GRTP1: variants seen among roughly 807,000 people sequenced by gnomAD.
GRTP1 encodes the protein growth hormone-regulated TBC protein 1.
In GRTP1, 56 loss-of-function variants were observed where a neutral mutation model predicts 38.1. The ratio of observed to expected loss-of-function variants is 1.47; its 90% CI spans 1.19 to 1.84. The LOEUF is 1.84. Among genes scored for constraint, GRTP1 ranks in the 40% most tolerant of loss-of-function variants. The probability of loss-of-function intolerance (pLI) is 0.00; values close to 1 mark genes in which losing one functional copy is unlikely to be tolerated. For missense variants in GRTP1, 506 were observed against 453.9 expected, an observed-to-expected ratio of 1.11 and a Z score of -1.04; for synonymous variants, 217 against 189.5, an observed-to-expected ratio of 1.14 and a Z score of -1.19.
intron 5 of GRTP1, 114 bp downstream of exon 5, chr13:113,344,749 C>T: frequency 1.8e-6 from 1 of 554,890 alleles, no homozygotes; most frequent in East Asian, 4.4e-5. Context: ...TTTGTAACCT[C>T]ATCTCCCAAA....
Position 113,324,359 on chromosome 13 carries a change from C to CACA in GRTP1, c.*126_*128dup. ...TTTTAAACTGCTCTTTTAAAAAATT[C>CACA]ACAACTAAAGTGTAGTGATGTCAAG... On this transcript the variant is annotated 3_prime_UTR_variant, in exon 8 of 8. Transcript: ENST00000375431. 7.7e-7 allele frequency: 1 copy of CACA among 1,299,866 alleles called. No individual in the cohort carries two copies. The highest frequency in any genetic ancestry group is 9.9e-7 in the Non-Finnish European group (1 of 1,012,612). 80.5% of individuals were successfully genotyped at this position (1,299,866 alleles called of 1,614,324 possible).
chr13:113,356,770 A>G (rs2139525847), intron 2 of GRTP1, among the ~76,000 whole-genome samples: 1 of 152,266 alleles, frequency 6.6e-6, no homozygotes, highest in Non-Finnish European at 1.5e-5. Flanking sequence ...ATGAGCTCAA[A>G]TTCCAAGGTG....
chr13:113,355,319 T>C lies in GRTP1; in HGVS notation c.340+4A>G, dbSNP rs760050171. The C allele has an allele frequency of 3.1e-6, 5 of 1,613,480 alleles. No homozygotes were observed. Among genetic ancestry groups the C allele is most frequent in the East Asian group, 2.2e-5 (1 of 44,864 alleles). ...GCACCAGAGCTCGACCCCCACCGCC[T>C]CACCTGTCCTGATGGCGTCCTCCAG... On this transcript the variant is annotated splice_donor_region_variant and intron_variant, in intron 3 of 7. Coordinates refer to ENST00000375431, the MANE Select transcript of GRTP1 (RefSeq NM_024719.4).
intron 5 of GRTP1, among the ~76,000 whole-genome samples, chr13:113,331,788 T>TA (rs1292558647): frequency 2.0e-5 from 3 of 150,772 alleles, no homozygotes. Flanking sequence ...CCTGAGTAGC[T>TA]GGGATCACAG....
chr13:113,330,076 G>T (rs1199778296), intron 5 of GRTP1, among the ~76,000 whole-genome samples: 1 of 151,502 alleles, frequency 6.6e-6, no homozygotes, highest in African/African-American at 2.4e-5. Flanking sequence ...TGGAAACCCG[G>T]GTGCGTGCAT....
intron 5 of GRTP1, among the ~76,000 whole-genome samples, chr13:113,335,236 C>T (rs763325634): frequency 1.3e-5 from 2 of 152,004 alleles, no homozygotes; most frequent in African/African-American, 2.4e-5. Flanking sequence ...TATTTTGATA[C>T]AGGCATTCAA....
chr13:113,332,364 C>T (rs1378716798), intron 5 of GRTP1, among the ~76,000 whole-genome samples: 8 of 140,040 alleles, frequency 5.7e-5, no homozygotes, highest in African/African-American at 2.4e-4. Context: ...TACACACGTG[C>T]ACACGCACAC....
At position 113,325,810 on chromosome 13, in the gene GRTP1, C is replaced by A. The variant is rs778743717; in HGVS notation, c.772G>T (p.Gly258Cys). The A allele has an allele frequency of 1.3e-5, 21 of 1,614,142 alleles. No homozygotes were observed. Among genetic ancestry groups the A allele is most frequent in the Non-Finnish European group, 1.8e-5 (21 of 1,180,002 alleles). Residue 258 changes from glycine to cysteine, a missense_variant, in exon 7 of 8, where the codon GGC (glycine) becomes TGC (cysteine). Physicochemically the swap from Gly to Cys is radical, Grantham distance 159. Coordinates refer to ENST00000375431, the MANE Select transcript of GRTP1 (RefSeq NM_024719.4). ...GCCACCCGGAAGATAATCTTCGAGC[C>A]TTCGTTAAACAAACAGTCCCAGATC... ...LRIWDCLFNE[G>C]SKIIFRVALT...
At chr13:113,326,499 C>G (rs989380521) in intron 5 of GRTP1, among the ~76,000 whole-genome samples, 1 of 151,912 alleles carries the variant, frequency 6.6e-6, no homozygotes, top group East Asian at 1.9e-4. Context: ...GCTGAAACCC[C>G]GTCTCTACTA....
rs1216218843 is a variant in GRTP1 at position 113,324,737 on chromosome 13, C to A, written c.922-160G>T. 11 of 1,413,938 alleles carry A rather than the reference C, an allele frequency of 7.8e-6. No homozygotes were observed. In the South Asian group the frequency reaches 1.3e-4, roughly 16 times the overall value. 87.6% of individuals were successfully genotyped at this position (1,413,938 alleles called of 1,614,324 possible). A position where few individuals can be genotyped will look rare whatever the true frequency, so the allele number is the denominator to read the frequency against. On this transcript the variant is annotated intron_variant, in intron 7 of 7. Coordinates refer to ENST00000375431, the MANE Select transcript of GRTP1 (RefSeq NM_024719.4). Reference sequence around the variant, plus strand: ...TGACCCACAGATTGTCACCATCTCACTCCTGCCCTGGGGCCTAGGACTGCA... The same window carrying A: ...TGACCCACAGATTGTCACCATCTCAATCCTGCCCTGGGGCCTAGGACTGCA...
At chr13:113,329,795 G>A (rs2042830901) in intron 5 of GRTP1, among the ~76,000 whole-genome samples, 1 of 152,198 alleles carries the variant, frequency 6.6e-6, no homozygotes, top group South Asian at 2.1e-4. Flanking sequence ...AGGGGTAGTG[G>A]GCGGTTCCGA....
At chr13:113,333,823 T>G (rs2042910476) in intron 5 of GRTP1, among the ~76,000 whole-genome samples, 1 of 108,884 alleles carries the variant, frequency 9.2e-6, no homozygotes, top group South Asian at 3.6e-4. Context: ...TATTTATTTA[T>G]TTATTTATTT....
chr13:113,332,280 G>A (rs1481654653), intron 5 of GRTP1, among the ~76,000 whole-genome samples: 4 of 148,068 alleles, frequency 2.7e-5, no homozygotes, highest in African/African-American at 7.7e-5. Context: ...AGGTACACAC[G>A]TGCACACACA....
intron 3 of GRTP1, among the ~76,000 whole-genome samples, chr13:113,352,252 ATTTATATATTTTTATATT>A (rs1235826374): frequency 1.7e-5 from 2 of 121,028 alleles, no homozygotes; most frequent in African/African-American, 3.1e-5. Context: ...ATTTATATAT[ATTTATATATTTTTATATT>A]TTTATATATA....
Position 113,343,621 on chromosome 13 carries a change from C to T in GRTP1, c.562+1242G>A, listed in dbSNP as rs7332061. On this transcript the variant is annotated intron_variant, in intron 5 of 7. Coordinates refer to ENST00000375431, the MANE Select transcript of GRTP1 (RefSeq NM_024719.4). This position sits in a 1 kb window ranked among gnomAD's most constrained non-coding sequence, Gnocchi z 4.8. ...GGTCAGGCCAGCACGCAAATTCTCC[C>T]GGCCTTCGGTGTCCTCACCCTGGAA... 0.16 allele frequency among the ~76,000 whole-genome samples: 24,808 copies of T among 152,196 alleles called. 2,225 individuals are homozygous for T. Among genetic ancestry groups the T allele is most frequent in the East Asian group, 0.27 (1,399 of 5,168 alleles).
At chr13:113,340,935 T>C (rs2139438616) in intron 5 of GRTP1, among the ~76,000 whole-genome samples, 1 of 152,368 alleles carries the variant, frequency 6.6e-6, no homozygotes, top group East Asian at 1.9e-4. Flanking sequence ...GTTAGGCTGT[T>C]TTTTTCTCAG....
In GRTP1 at chr13:113,362,131, AGAGT is replaced by A. The variant is rs1468396080; in HGVS notation, c.181+1627_181+1630del. 5.8e-4 allele frequency among the ~76,000 whole-genome samples: 88 copies of A among 152,290 alleles called. 1 individual carries two copies. The highest frequency in any genetic ancestry group is 2.0e-3 in the African/African-American group (83 of 41,562). ...GCCACTGCACTCTAGCCTGGGCGAC[AGAGT>A]GAGACTCCGTCTCAAAATAAAAAAA... On this transcript the variant is annotated intron_variant, in intron 2 of 7. Transcript: ENST00000375431.
In GRTP1 at chr13:113,348,703, T is replaced by C. The variant is rs185336232; in HGVS notation, c.465+2146A>G. On this transcript the variant is annotated intron_variant, in intron 4 of 7. Transcript: ENST00000375431. The surrounding 1 kb of genome is among the most constrained non-coding windows in gnomAD (Gnocchi z 4.8). ...ATGGAGATGGAGGCAGAGATTGGAG[T>C]AGTGATGCCACCCGCCGAGGGGCAC... 5.2e-3 allele frequency among the ~76,000 whole-genome samples: 784 copies of C among 151,830 alleles called. 5 individuals are homozygous for C. Among genetic ancestry groups the C allele is most frequent in the Non-Finnish European group, 9.3e-3 (635 of 67,948 alleles).
chr13:113,324,668 T>G (rs1029039196), intron 7 of GRTP1, 91 bp from the exon 8 acceptor site: 98 of 1,510,520 alleles, frequency 6.5e-5, no homozygotes, highest in Admixed American at 6.2e-5. Flanking sequence ...ACAGGCCTCG[T>G]GTGAGGTGAG....
Sources: allele counts gnomAD v4.1 joint callset (sites outside exome capture counted in the v4.1 genomes callset), GRCh38; gene constraint gnomAD v4.1.1; non-coding constraint Gnocchi (gnomAD v3.1); transcripts MANE v1.5; gene names NCBI Gene and HGNC (gene_info 2026-07-23, HGNC 2026-07-21).